Variants in USO1 observed in about 807,000 individuals in gnomAD.
USO1 encodes general vesicular transport factor p115.
In USO1, 57 loss-of-function variants were observed where a neutral mutation model predicts 124.5. That is an observed-to-expected ratio of 0.46 (90% CI 0.37 to 0.57). The LOEUF is 0.57. Among genes scored for constraint, USO1 ranks in the 20% least tolerant of loss-of-function variants. The pLI is 0.00. For synonymous variants in USO1, 369 were observed against 362.8 expected, an observed-to-expected ratio of 1.02 and a Z score of -0.19; for missense variants, 900 against 1,040.6, an observed-to-expected ratio of 0.86 and a Z score of 1.86.
intron 1 of USO1, among the ~76,000 whole-genome samples, chr4:75,743,554 T>C (rs538071163): frequency 6.6e-5 from 10 of 152,182 alleles, no homozygotes; most frequent in Non-Finnish European, 1.5e-4. Context: ...TTTGCCATTA[T>C]AGTTTCATTA....
intron 4 of USO1, among the ~76,000 whole-genome samples, chr4:75,757,933 AT>A (rs1721492873): frequency 6.6e-6 from 1 of 152,150 alleles, no homozygotes; most frequent in South Asian, 2.1e-4. Context: ...GCAATATAAA[AT>A]TAGAGAGTTT....
In USO1 at chr4:75,734,718, C is replaced by CTTTTTTTTTTTTTTTTTTTTTTTTTT. The variant is rs55928639; in HGVS notation, c.66+9836_66+9861dup. The stretch of plus-strand genomic sequence containing the variant: ...CTGTAGATTGCTTTGGGCAGTATGG[C>CTTTTTTTTTTTTTTTTTTTTTTTTTT]TTTTTTTTTTTTTTTTTTTTTTTTT... On this transcript the variant is annotated intron_variant, in intron 1 of 23. Transcript: ENST00000514213. 4.2e-5 allele frequency among the ~76,000 whole-genome samples: 2 copies of CTTTTTTTTTTTTTTTTTTTTTTTTTT among 47,450 alleles called. 1 individual carries two copies. Among genetic ancestry groups the CTTTTTTTTTTTTTTTTTTTTTTTTTT allele is most frequent in the Non-Finnish European group, 7.1e-5 (2 of 28,018 alleles). The allele number at this position is 47,450 out of a possible 152,430, so 31.1% of individuals were successfully genotyped here.
intron 4 of USO1, among the ~76,000 whole-genome samples, chr4:75,759,772 G>A (rs931213043): frequency 7.2e-5 from 11 of 152,002 alleles, no homozygotes; most frequent in Admixed American, 2.0e-4. Context: ...AGCCAGCCAT[G>A]GTGTTGCACA....
At position 75,810,539 on chromosome 4, in the gene USO1, G is replaced by A. The variant is rs1347556447; in HGVS notation, c.2583G>A (p.Lys861=). 5 of 1,601,358 alleles carry A rather than the reference G, an allele frequency of 3.1e-6. No homozygotes were observed. In the South Asian group the frequency reaches 4.6e-5, roughly 15 times the overall value. The stretch of plus-strand genomic sequence containing the variant: ...TATTACAAGAGACCAAAGAGTTAAA[G>A]GTTTGTTTTTGGTGCAACTTTTATT... ...SALLQETKEL[K]NEIKALSEER... The change falls in exon 22 of 24, where the codon AAG becomes AAA. Residue 861 remains lysine (K), a splice_region_variant and synonymous_variant. Transcript: ENST00000514213.
At chr4:75,800,595 T>C (rs1182266987) in intron 15 of USO1, 23 bp from the exon 16 acceptor site, 1 of 1,527,904 alleles carries the variant, frequency 6.5e-7, no homozygotes, top group South Asian at 1.3e-5. Flanking sequence ...TTTTAAAGCA[T>C]CTCAATATGC....
chr4:75,773,706 C>G (rs1358953622), intron 7 of USO1, among the ~76,000 whole-genome samples: 1 of 152,014 alleles, frequency 6.6e-6, no homozygotes, highest in Non-Finnish European at 1.5e-5. Context: ...ATTTGACATC[C>G]AAAAATAACT....
At chr4:75,776,963 G>A (rs1403729432) in intron 8 of USO1, among the ~76,000 whole-genome samples, 1 of 152,170 alleles carries the variant, frequency 6.6e-6, no homozygotes, top group Admixed American at 6.5e-5. Flanking sequence ...CTACTACCTT[G>A]AATATGGGTA....
chr4:75,813,095 G>A (rs936873293), intron 23 of USO1, 111 bp from the exon 24 acceptor site: 102 of 1,154,720 alleles, frequency 8.8e-5, no homozygotes, highest in Middle Eastern at 3.1e-4. Flanking sequence ...CCTGGGTAAC[G>A]AGCAAAACTC....
At chr4:75,803,628 G>T (rs1345865389) in intron 17 of USO1, among the ~76,000 whole-genome samples, 4 of 142,742 alleles carry the variant, frequency 2.8e-5, no homozygotes, top group Non-Finnish European at 6.1e-5. Context: ...CAGCCTGGGC[G>T]ATAAGAGCGA....
intron 9 of USO1, among the ~76,000 whole-genome samples, chr4:75,785,898 A>G (rs1177067458): frequency 6.6e-6 from 1 of 152,182 alleles, no homozygotes; most frequent in Non-Finnish European, 1.5e-5. Flanking sequence ...AAATTAAGGG[A>G]GGAAAAAACA....
intron 1 of USO1, chr4:75,730,105 T>C: frequency 4.5e-6 from 1 of 224,066 alleles, no homozygotes; most frequent in South Asian, 5.1e-5. Flanking sequence ...GTAATAATGA[T>C]TTGTGTTTTG....
chr4:75,787,960 A>G lies in USO1; in HGVS notation c.996+758A>G, dbSNP rs1449904316. 2.6e-5 allele frequency among the ~76,000 whole-genome samples: 4 copies of G among 152,048 alleles called. No individual in the cohort carries two copies. In the South Asian group the frequency reaches 8.3e-4, roughly 32 times the overall value. ...TTACTCTATATATGCATAGGTATAT[A>G]TGCTTAATAATCATATACTTAACAC... On this transcript the variant is annotated intron_variant, in intron 10 of 23. Coordinates refer to ENST00000514213, the MANE Select transcript of USO1 (RefSeq NM_003715.4).
At chr4:75,799,323 A>G (rs1161335076) in intron 13 of USO1, among the ~76,000 whole-genome samples, 2 of 151,404 alleles carry the variant, frequency 1.3e-5, no homozygotes, top group Non-Finnish European at 3.0e-5. Context: ...TAAAGCCTCC[A>G]CACTGATTTT....
chr4:75,781,528 T>C (rs1405971767), intron 8 of USO1, among the ~76,000 whole-genome samples: 1 of 152,210 alleles, frequency 6.6e-6, no homozygotes, highest in Non-Finnish European at 1.5e-5. Flanking sequence ...TTAAATTAAG[T>C]TATGTACATT....
At chr4:75,739,181 G>A (rs1186390244) in intron 1 of USO1, among the ~76,000 whole-genome samples, 1 of 152,064 alleles carries the variant, frequency 6.6e-6, no homozygotes, top group Non-Finnish European at 1.5e-5. Flanking sequence ...TAAATTTTGA[G>A]CGTTAAGTAA....
intron 9 of USO1, 32 bp downstream of exon 9, chr4:75,782,890 A>C (rs375461124): frequency 3.4e-5 from 52 of 1,529,480 alleles, no homozygotes; most frequent in Non-Finnish European, 4.3e-5. Flanking sequence ...ATGTGGTAAG[A>C]ATTTTGACAG....
intron 1 of USO1, among the ~76,000 whole-genome samples, chr4:75,731,871 T>C (rs1720642742): frequency 6.6e-6 from 1 of 152,218 alleles, no homozygotes; most frequent in African/African-American, 2.4e-5. Flanking sequence ...AAAAGAATTG[T>C]GAAAAAATAC....
chr4:75,724,695 G>C lies in USO1; in HGVS notation c.-125G>C. The stretch of plus-strand genomic sequence containing the variant: ...GGGCTGGAGTGGCCGCCGAGTTGGA[G>C]GCGGTGGTGGCAGCAGTAGGAGTGT... On this transcript the variant is annotated 5_prime_UTR_variant, in exon 1 of 24. Coordinates refer to ENST00000514213, the MANE Select transcript of USO1 (RefSeq NM_003715.4). 1.1e-6 allele frequency: 1 copy of C among 945,394 alleles called. No individual in the cohort carries two copies. Among genetic ancestry groups the C allele is most frequent in the Non-Finnish European group, 1.6e-6 (1 of 636,508 alleles). 58.6% of individuals were successfully genotyped at this position (945,394 alleles called of 1,614,324 possible). A position where few individuals can be genotyped will look rare whatever the true frequency, so the allele number is the denominator to read the frequency against.
At chr4:75,742,898 C>T (rs867939361) in intron 1 of USO1, among the ~76,000 whole-genome samples, 1 of 152,078 alleles carries the variant, frequency 6.6e-6, no homozygotes, top group Non-Finnish European at 1.5e-5. Context: ...AACTACTAAT[C>T]GTCTTCTTTG....
Sources: gnomAD v4.1 joint callset for allele counts (sites outside exome capture counted in the v4.1 genomes callset) on GRCh38, gnomAD v4.1.1 for gene constraint, MANE v1.5 for transcripts, NCBI Gene and HGNC (gene_info 2026-07-23, HGNC 2026-07-21) for gene names.